RNF14: variants seen among roughly 807,000 people sequenced by gnomAD.
RNF14 encodes the protein ring finger protein 14.
Under a neutral mutation model 52.6 loss-of-function variants are expected in RNF14, and 26 were observed. That is an observed-to-expected ratio of 0.49 (90% CI 0.36 to 0.69). RNF14 has a LOEUF of 0.69. Ranked by LOEUF, RNF14 falls within the 30% of genes least tolerant of loss-of-function variation. The pLI is 0.00. For synonymous variants in RNF14, 194 were observed against 202.0 expected (o/e 0.96, Z 0.34); for missense variants, 404 against 560.4 (o/e 0.72, Z 2.82).
chr5:141,978,152 TTTTG>T (rs1258073769), intron 4 of RNF14, 147 bp from the exon 5 acceptor site: 6 of 467,390 alleles, frequency 1.3e-5, no homozygotes, highest in Non-Finnish European at 1.4e-5. Context: ...GTTTGTACTG[TTTTG>T]TATGTAGCAC....
chr5:141,983,655 C>CT, intron 7 of RNF14, 103 bp downstream of exon 7: 1 of 971,578 alleles, frequency 1.0e-6, no homozygotes. Flanking sequence ...AAAACACATG[C>CT]TGGTATTATT....
At chr5:141,964,130 G>A (rs1188750030), upstream of RNF14, among the ~76,000 whole-genome samples, 1 of 152,180 alleles carries the variant, frequency 6.6e-6, no homozygotes, top group African/African-American at 2.4e-5. Flanking sequence ...ATTTTATACT[G>A]TCAGCCACCT....
chr5:141,957,976 C>G (rs936057956), upstream of RNF14: 4 of 1,100,118 alleles, frequency 3.6e-6, no homozygotes, highest in Admixed American at 1.0e-4. This position sits in a 1 kb window ranked among gnomAD's most constrained non-coding sequence, Gnocchi z 4.3. Context: ...GCCGGCACAA[C>G]CTTGTCCCAT....
Position 141,984,863 on chromosome 5 carries a change from T to C in RNF14, c.1297T>C (p.Cys433Arg). The change falls in exon 8 of 9, where the codon TGC becomes CGC. Residue 433 changes from cysteine (C) to arginine (R), a missense_variant. By Grantham distance (180) the Cys-to-Arg change is radical (BLOSUM62 -3). Coordinates refer to ENST00000394520, the MANE Select transcript of RNF14 (RefSeq NM_004290.5). ...TGCMQYFCWI[C>R]MGSLSRANPY... is the part of the protein sequence containing the mutation. ...CTGTATGCAATATTTCTGTTGGATT[T>C]GCATGGGTTCTCTCTCTAGAGCAAA... 1 of 1,613,670 alleles carries C rather than the reference T, an allele frequency of 6.2e-7. No individual in the cohort carries two copies. The highest frequency in any genetic ancestry group is 8.5e-7 in the Non-Finnish European group (1 of 1,179,566).
At chr5:141,949,694 G>C in the RNF14 span, 1 of 1,338,278 alleles carries the variant, frequency 7.5e-7, no homozygotes, top group South Asian at 1.5e-5. Context: ...TGGATACACA[G>C]CCTGGCCTCT....
At chr5:141,957,887 A>G (rs745664442), upstream of RNF14, 12 of 1,572,330 alleles carry the variant, frequency 7.6e-6, no homozygotes, top group South Asian at 1.2e-5. The surrounding 1 kb of genome is among the most constrained non-coding windows in gnomAD (Gnocchi z 4.3). Flanking sequence ...AGAAACCACT[A>G]GAGTTCTTTC....
chr5:141,984,279 G>A (rs1755041127), intron 7 of RNF14, among the ~76,000 whole-genome samples: 1 of 151,632 alleles, frequency 6.6e-6, no homozygotes, highest in South Asian at 2.1e-4. Context: ...TGTATTTTTA[G>A]TAGAGACAGG....
At chr5:141,964,780 ATT>A (rs67577436), upstream of RNF14, among the ~76,000 whole-genome samples, 16,144 of 137,546 alleles carry the variant, frequency 0.12, 985 homozygotes, top group African/African-American at 0.18. Flanking sequence ...AGCCCGGCTA[ATT>A]TTTTTTTTTT....
At chr5:141,956,447 T>C (rs766258867), upstream of RNF14, 16 of 1,614,252 alleles carry the variant, frequency 9.9e-6, 1 homozygote, top group East Asian at 3.6e-4. Context: ...TTTTCCCGCG[T>C]GGAGACTTCA....
In RNF14 at chr5:141,987,864, G is replaced by A. The variant is rs754397612; in HGVS notation, c.*74G>A. On this transcript the variant is annotated 3_prime_UTR_variant, in exon 9 of 9. Transcript: ENST00000394520. ...CGTCAAGTACACAAAGTAACTTTGC[G>A]GGATATTTAGGGTACTATTCATTCA... 9.8e-6 allele frequency: 13 copies of A among 1,332,982 alleles called. No homozygotes were observed. The highest frequency in any genetic ancestry group is 7.0e-5 in the South Asian group (6 of 85,256). The allele number at this position is 1,332,982 out of a possible 1,614,324, so 82.6% of individuals were successfully genotyped here.
upstream of RNF14, chr5:141,956,425 G>A (rs374775223): frequency 3.1e-6 from 5 of 1,614,224 alleles, no homozygotes; most frequent in Non-Finnish European, 4.2e-6. Flanking sequence ...GAGGTGAAGA[G>A]AGGGTAAGTT....
At chr5:141,965,562 G>A (rs1753326786), upstream of RNF14, among the ~76,000 whole-genome samples, 1 of 152,150 alleles carries the variant, frequency 6.6e-6, no homozygotes, top group African/African-American at 2.4e-5. Context: ...TACTCTCTGT[G>A]AATTTGTTAC....
upstream of RNF14, chr5:141,955,887 C>T: frequency 6.2e-7 from 1 of 1,614,206 alleles, no homozygotes; most frequent in Non-Finnish European, 8.5e-7. This position sits in a 1 kb window ranked among gnomAD's most constrained non-coding sequence, Gnocchi z 5.5. Context: ...TGACGAACAG[C>T]TGCCCCGTAT....
upstream of RNF14, among the ~76,000 whole-genome samples, chr5:141,954,320 A>G (rs1375227328): frequency 6.6e-6 from 1 of 152,212 alleles, no homozygotes; most frequent in African/African-American, 2.4e-5. Flanking sequence ...AATGATGCCT[A>G]TGCTGGCCTT....
intron 4 of RNF14, among the ~76,000 whole-genome samples, chr5:141,977,463 C>T (rs1754368501): frequency 6.6e-6 from 1 of 152,228 alleles, no homozygotes; most frequent in African/African-American, 2.4e-5. Flanking sequence ...AAAAGAAAAG[C>T]TGCTTATAAT....
chr5:141,967,083 A>G (rs1753368116), upstream of RNF14, among the ~76,000 whole-genome samples: 1 of 152,218 alleles, frequency 6.6e-6, no homozygotes, highest in African/African-American at 2.4e-5. Context: ...ATCAAGATTT[A>G]TAGTACAGAA....
intron 8 of RNF14, among the ~76,000 whole-genome samples, chr5:141,985,532 T>G (rs1356364002): frequency 1.3e-5 from 2 of 152,184 alleles, no homozygotes; most frequent in Non-Finnish European, 2.9e-5. Flanking sequence ...GGCCCACCTT[T>G]TTTTTGTGTG....
At chr5:141,951,695 T>C in the RNF14 span, 4 of 833,932 alleles carry the variant, frequency 4.8e-6, no homozygotes, top group South Asian at 2.9e-5. Context: ...TAGTCTTTCC[T>C]CTGGCTTCAG....
intron 7 of RNF14, among the ~76,000 whole-genome samples, chr5:141,984,041 GT>G (rs1353925583): frequency 6.6e-6 from 1 of 150,524 alleles, no homozygotes; most frequent in African/African-American, 2.4e-5. Flanking sequence ...GTTCTAATCT[GT>G]TATGTCTGAA....
Sources: allele counts gnomAD v4.1 joint callset (sites outside exome capture counted in the v4.1 genomes callset), GRCh38; gene constraint gnomAD v4.1.1; non-coding constraint Gnocchi (gnomAD v3.1); transcripts MANE v1.5; gene names NCBI Gene and HGNC (gene_info 2026-07-23, HGNC 2026-07-21).